Variants in PROM1 observed in about 807,000 individuals in gnomAD.
PROM1 encodes the protein prominin 1.
Under a neutral mutation model 116.9 loss-of-function variants are expected in PROM1, and 105 were observed. That is an observed-to-expected ratio of 0.90 (90% CI 0.77 to 1.06). The LOEUF (loss-of-function observed/expected upper bound fraction) is 1.06, where lower values mean the gene tolerates loss of function less well. PROM1 is among the 50% of genes least tolerant of loss of function. PROM1 has a pLI of 0.00. For missense variants in PROM1, 1,122 were observed against 1,045.2 expected, an observed-to-expected ratio of 1.07 and a Z score of -1.01; for synonymous variants, 393 against 387.0, an observed-to-expected ratio of 1.02 and a Z score of -0.18.
At chr4:16,019,124 A>G (rs1935255214) in intron 8 of PROM1, among the ~76,000 whole-genome samples, 1 of 152,184 alleles carries the variant, frequency 6.6e-6, no homozygotes, top group Non-Finnish European at 1.5e-5. Flanking sequence ...CACATTCATC[A>G]TGCAACATGG....
In PROM1 at chr4:15,987,143, C is replaced by T. The variant is rs115822792; in HGVS notation, c.2130+520G>A. Among the ~76,000 whole-genome samples the T allele has an allele frequency of 5.4e-3, 825 of 152,288 alleles. 8 individuals carry two copies. Among genetic ancestry groups the T allele is most frequent in the African/African-American group, 0.019 (782 of 41,554 alleles). ...ATGTGACTTGCTTTGGCCAATGGAACGCTGGTGAAGGGGCAGGGTGCCCAT... is the reference window on the plus strand; with the variant it reads ...ATGTGACTTGCTTTGGCCAATGGAATGCTGGTGAAGGGGCAGGGTGCCCAT... On this transcript the variant is annotated intron_variant, in intron 20 of 27. Coordinates refer to ENST00000447510, the MANE Select transcript of PROM1 (RefSeq NM_006017.3).
intron 2 of PROM1, among the ~76,000 whole-genome samples, chr4:16,060,345 T>G (rs1028177): frequency 0.019 from 2,938 of 151,720 alleles, 101 homozygotes; most frequent in African/African-American, 0.067. Flanking sequence ...GGTCTTACTC[T>G]GTTGCCCAGG....
At chr4:15,971,206 A>C in intron 26 of PROM1, 124 bp from the exon 27 acceptor site, 4 of 702,530 alleles carry the variant, frequency 5.7e-6, no homozygotes, top group Non-Finnish European at 9.2e-6. Flanking sequence ...ACACCTCATA[A>C]AGTTTATCAA....
chr4:15,994,475 A>T (rs766784040), intron 15 of PROM1, among the ~76,000 whole-genome samples: 3 of 152,216 alleles, frequency 2.0e-5, no homozygotes, highest in Non-Finnish European at 4.4e-5. Context: ...GCTCCTGCCA[A>T]GAACATTTCT....
chr4:16,050,631 T>C (rs947692588), intron 2 of PROM1, among the ~76,000 whole-genome samples: 1 of 152,222 alleles, frequency 6.6e-6, no homozygotes, highest in African/African-American at 2.4e-5. Context: ...GCTGAGATTA[T>C]AGGTGTGAGC....
intron 8 of PROM1, among the ~76,000 whole-genome samples, chr4:16,020,379 C>G (rs1434042521): frequency 6.6e-6 from 1 of 152,102 alleles, no homozygotes; most frequent in Non-Finnish European, 1.5e-5. Context: ...AGTTTTTCAT[C>G]TCTCCCACCT....
chr4:16,010,954 G>A (rs928053397), intron 11 of PROM1, among the ~76,000 whole-genome samples: 3 of 152,122 alleles, frequency 2.0e-5, no homozygotes, highest in East Asian at 1.9e-4. Context: ...CAAATGGCTC[G>A]TGTGTGAAAA....
rs1167286110 is a variant in PROM1, at chr4:15,985,846, A to G, written c.2212-18T>C. 6.2e-6 allele frequency: 2 copies of G among 321,468 alleles called. No homozygotes were observed. The highest frequency in any genetic ancestry group is 4.5e-5 in the African/African-American group (1 of 22,148). The allele number at this position is 321,468 out of a possible 1,614,324, so 19.9% of individuals were successfully genotyped here. A position where few individuals can be genotyped will look rare whatever the true frequency, so the allele number is the denominator to read the frequency against. ...TTAGTTTCCTGGAAAGAAACAAAAG[A>G]TGAGTAGAAGCATTAAAATGATGAC... On this transcript the variant is annotated intron_variant, in intron 21 of 27. Transcript: ENST00000447510.
At chr4:16,062,911 C>T (rs1209829747) in intron 2 of PROM1, among the ~76,000 whole-genome samples, 1 of 152,110 alleles carries the variant, frequency 6.6e-6, no homozygotes, top group African/African-American at 2.4e-5. Flanking sequence ...CAAAGTATCC[C>T]CCCTTTTCCC....
intron 14 of PROM1, 68 bp downstream of exon 14, chr4:16,000,428 G>A (rs1348003280): frequency 1.3e-5 from 18 of 1,386,468 alleles, no homozygotes; most frequent in African/African-American, 8.7e-5. Flanking sequence ...TTAAAGTAAT[G>A]CACAATATAT....
intron 2 of PROM1, among the ~76,000 whole-genome samples, chr4:16,041,987 G>C (rs1271737667): frequency 6.6e-6 from 1 of 151,864 alleles, no homozygotes; most frequent in Non-Finnish European, 1.5e-5. Context: ...TTTTTAATTT[G>C]CTTTTTTGTA....
chr4:16,071,776 T>A (rs558439796), intron 2 of PROM1, among the ~76,000 whole-genome samples: 1 of 152,158 alleles, frequency 6.6e-6, no homozygotes, highest in Non-Finnish European at 1.5e-5. Flanking sequence ...GTTGTTTAAG[T>A]TACCTAGTCT....
intron 13 of PROM1, among the ~76,000 whole-genome samples, chr4:16,004,832 T>TTCTTTTTTCTTCCTTC (rs1203366908): frequency 0.084 from 10,219 of 121,174 alleles, 729 homozygotes; most frequent in Non-Finnish European, 0.11. Context: ...TCTTTCTTTT[T>TTCTTTTTTCTTCCTTC]CTTCCTTCCT....
At chr4:16,012,446 T>G (rs1173273414) in intron 11 of PROM1, among the ~76,000 whole-genome samples, 2 of 152,202 alleles carry the variant, frequency 1.3e-5, no homozygotes, top group East Asian at 1.9e-4. Flanking sequence ...GAATCCTCTC[T>G]ACATTGATTC....
Position 16,077,170 on chromosome 4 carries a change from G to A in PROM1, c.-212-1052C>T, listed in dbSNP as rs538463630. 4.0e-3 allele frequency among the ~76,000 whole-genome samples: 603 copies of A among 152,248 alleles called. 5 individuals carry two copies. The highest frequency in any genetic ancestry group is 0.014 in the Middle Eastern group (4 of 294). ...AGAGGAAGGCATCTGTCTCCTGCCC[G>A]TCCCTGGGCAATGGAATGTCTCGGT... On this transcript the variant is annotated intron_variant, in intron 1 of 27. Transcript: ENST00000447510.
At chr4:16,037,329 T>A (rs1734161671) in intron 3 of PROM1, among the ~76,000 whole-genome samples, 1 of 152,184 alleles carries the variant, frequency 6.6e-6, no homozygotes, top group South Asian at 2.1e-4. Flanking sequence ...CACTGAGGAA[T>A]GAAAATGCTT....
At chr4:16,026,560 G>C (rs1462021622) in intron 5 of PROM1, among the ~76,000 whole-genome samples, 8 of 152,138 alleles carry the variant, frequency 5.3e-5, no homozygotes, top group African/African-American at 1.9e-4. Context: ...GCAATGTCTT[G>C]AGGCTTTATC....
intron 26 of PROM1, among the ~76,000 whole-genome samples, chr4:15,978,675 G>T (rs780445877): frequency 8.5e-5 from 13 of 152,184 alleles, no homozygotes; most frequent in South Asian, 2.1e-4. Context: ...AGCACTGGCG[G>T]GCCAGCTGTA....
At position 15,984,352 on chromosome 4, in the gene PROM1, T is replaced by A; in HGVS notation, c.2284A>T (p.Ser762Cys). Residue 762 changes from serine to cysteine, a missense_variant, in exon 23 of 28, where the codon AGT becomes TGT. Transcript: ENST00000447510. ...GGTTTGCACGATGCCACTTTCTCACTGATCTAGGGGGGTGGAAACACAGGG... is the reference window on the plus strand; with the variant it reads ...GGTTTGCACGATGCCACTTTCTCACAGATCTAGGGGGGTGGAAACACAGGG... ...HYLQWIEFSI[S>C]EKVASCKPVA... 1 of 1,585,768 alleles carries A rather than the reference T, an allele frequency of 6.3e-7. No individual in the cohort carries two copies. Among genetic ancestry groups the A allele is most frequent in the Non-Finnish European group, 8.6e-7 (1 of 1,164,160 alleles).
Sources: allele counts gnomAD v4.1 joint callset (sites outside exome capture counted in the v4.1 genomes callset), GRCh38; gene constraint gnomAD v4.1.1; transcripts MANE v1.5; gene names NCBI Gene and HGNC (gene_info 2026-07-23, HGNC 2026-07-21).